The following XIRP2 variants were observed in gnomAD, a reference collection of about 807,000 sequenced individuals.
The protein encoded by XIRP2 is xin actin-binding repeat-containing protein 2.
In XIRP2, 236 loss-of-function variants were observed where a neutral mutation model predicts 277.0. The ratio of observed to expected loss-of-function variants is 0.85; its 90% CI spans 0.77 to 0.95. The LOEUF is 0.95. Among genes scored for constraint, XIRP2 ranks in the 40% least tolerant of loss-of-function variants. The probability of loss-of-function intolerance (pLI) is 0.00; values close to 1 mark genes in which losing one functional copy is unlikely to be tolerated. For missense variants in XIRP2, 4,640 were observed against 4,157.5 expected, an observed-to-expected ratio of 1.12 and a Z score of -3.19; for synonymous variants, 1,490 against 1,416.5, an observed-to-expected ratio of 1.05 and a Z score of -1.17.
intron 3 of XIRP2, among the ~76,000 whole-genome samples, chr2:167,183,721 A>G (rs1693081826): frequency 6.6e-6 from 1 of 151,958 alleles, no homozygotes; most frequent in Non-Finnish European, 1.5e-5. Context: ...TAATTTAAGT[A>G]TCTACAACAC....
chr2:167,186,711 T>A (rs1364566376), intron 3 of XIRP2, among the ~76,000 whole-genome samples: 1 of 152,128 alleles, frequency 6.6e-6, no homozygotes, highest in Non-Finnish European at 1.5e-5. Context: ...CTCTTCCTCA[T>A]GCTGAATGAT....
intron 3 of XIRP2, among the ~76,000 whole-genome samples, chr2:167,137,880 A>T (rs1266599546): frequency 6.6e-6 from 1 of 152,096 alleles, no homozygotes; most frequent in Non-Finnish European, 1.5e-5. Flanking sequence ...AAATTCTTTC[A>T]TTATGGGATC....
At chr2:167,241,662 A>T in intron 7 of XIRP2, 115 bp from the exon 8 acceptor site, 2 of 1,197,398 alleles carry the variant, frequency 1.7e-6, no homozygotes, top group Non-Finnish European at 2.3e-6. Flanking sequence ...TTCGCACCTC[A>T]GTCTCCCAAA....
At chr2:166,954,164 TTAA>T (rs374666369) in intron 2 of XIRP2, among the ~76,000 whole-genome samples, 1 of 152,046 alleles carries the variant, frequency 6.6e-6, no homozygotes, top group East Asian at 1.9e-4. Context: ...CAAAACAATC[TTAA>T]TAATCTATGG....
At chr2:167,096,746 C>CT (rs1379199595) in intron 2 of XIRP2, among the ~76,000 whole-genome samples, 2 of 152,068 alleles carry the variant, frequency 1.3e-5, no homozygotes, top group African/African-American at 4.8e-5. Flanking sequence ...TACATTGTGT[C>CT]TTTGTTATCA....
intron 1 of XIRP2, among the ~76,000 whole-genome samples, chr2:166,892,190 T>A (rs552275455): frequency 6.6e-6 from 1 of 152,336 alleles, no homozygotes; most frequent in East Asian, 1.9e-4. Context: ...ATGTTTTTTA[T>A]TCTCAAATTG....
rs768038617 is a variant in XIRP2, at chr2:167,136,037, A to G, written c.537A>G (p.Glu179=). The change falls in exon 3 of 11, where the codon GAA becomes GAG. Residue 179 remains glutamate, a synonymous_variant. Transcript: ENST00000409195. ...CATCTTTTGACAAGATGTCACCTGAAAGTGGTCACAGCCGCATCTTTGAAG... is the reference window on the plus strand; with the variant it reads ...CATCTTTTGACAAGATGTCACCTGAGAGTGGTCACAGCCGCATCTTTGAAG... ...KETSFDKMSP[E]SGHSRIFEAT... 6.2e-7 allele frequency: 1 copy of G among 1,608,482 alleles called. No homozygotes were observed.
chr2:167,254,199 C>A, intron 10 of XIRP2, 34 bp downstream of exon 10: 1 of 1,595,736 alleles, frequency 6.3e-7, no homozygotes, highest in South Asian at 1.1e-5. Context: ...CACAAATATT[C>A]CAGGAGCTGC....
At chr2:167,167,818 C>T (rs10196588) in intron 3 of XIRP2, among the ~76,000 whole-genome samples, 9,360 of 152,058 alleles carry the variant, frequency 0.062, 373 homozygotes, top group Middle Eastern at 0.17. Context: ...AGTCTTCATT[C>T]ATTCCTTCTT....
At chr2:167,035,909 T>C (rs1172759075) in intron 2 of XIRP2, among the ~76,000 whole-genome samples, 1 of 152,172 alleles carries the variant, frequency 6.6e-6, no homozygotes, top group Non-Finnish European at 1.5e-5. Context: ...GCTCCAGCCA[T>C]GGCTGAAAGG....
intron 2 of XIRP2, among the ~76,000 whole-genome samples, chr2:166,910,107 C>G (rs1269015811): frequency 2.2e-4 from 33 of 152,140 alleles, no homozygotes; most frequent in Admixed American, 2.2e-3. Flanking sequence ...ACTTTGGTAT[C>G]GCGATGATGC....
At position 167,259,451 on chromosome 2, in the gene XIRP2, T is replaced by C; in HGVS notation, c.*1634T>C. On this transcript the variant is annotated 3_prime_UTR_variant, in exon 11 of 11. Coordinates refer to ENST00000409195, the MANE Select transcript of XIRP2 (RefSeq NM_152381.6). ...GATTTTATGAATTTGGATACCCTTT[T>C]GAGGAACTTGATGTAAACATGGTGT... 1 of 1,311,180 alleles carries C rather than the reference T, an allele frequency of 7.6e-7. No individual in the cohort carries two copies. The highest frequency in any genetic ancestry group is 2.8e-5 in the Admixed American group (1 of 35,132). The allele number at this position is 1,311,180 out of a possible 1,614,324, so 81.2% of individuals were successfully genotyped here.
At chr2:166,904,777 TTTGA>T (rs906651523) in intron 2 of XIRP2, among the ~76,000 whole-genome samples, 1 of 152,096 alleles carries the variant, frequency 6.6e-6, no homozygotes, top group Non-Finnish European at 1.5e-5. Flanking sequence ...TTTTTGTTTG[TTTGA>T]TTGTTTTTTT....
intron 2 of XIRP2, among the ~76,000 whole-genome samples, chr2:167,081,994 G>T (rs1243656383): frequency 1.3e-4 from 20 of 149,642 alleles, no homozygotes; most frequent in Admixed American, 6.7e-5. Context: ...TGTGCACAGT[G>T]TGCAGGTTAG....
chr2:167,003,116 T>C (rs1169318961), intron 2 of XIRP2, among the ~76,000 whole-genome samples: 1 of 151,732 alleles, frequency 6.6e-6, no homozygotes, highest in Non-Finnish European at 1.5e-5. Context: ...AGTAGAGATA[T>C]AATGTGACAA....
intron 2 of XIRP2, among the ~76,000 whole-genome samples, chr2:166,918,355 T>TC (rs1284419341): frequency 6.6e-6 from 1 of 152,150 alleles, no homozygotes; most frequent in Non-Finnish European, 1.5e-5. Context: ...ACCAAAATTT[T>TC]CCCTATTTAT....
At chr2:167,004,585 A>T in intron 2 of XIRP2, among the ~76,000 whole-genome samples, 1 of 151,882 alleles carries the variant, frequency 6.6e-6, no homozygotes, top group East Asian at 1.9e-4. Context: ...AAGGCCTCTG[A>T]ACTGTGAGTT....
At chr2:167,197,058 A>G (rs1027544934) in intron 3 of XIRP2, among the ~76,000 whole-genome samples, 1 of 152,170 alleles carries the variant, frequency 6.6e-6, no homozygotes, top group African/African-American at 2.4e-5. Flanking sequence ...CCCAAAATTG[A>G]CTGGTTTCAC....
At chr2:167,169,924 A>G (rs1412757660) in intron 3 of XIRP2, among the ~76,000 whole-genome samples, 1 of 152,076 alleles carries the variant, frequency 6.6e-6, no homozygotes, top group Non-Finnish European at 1.5e-5. Context: ...TTGCCCTATT[A>G]TACTTGTAAG....
Sources: allele counts gnomAD v4.1 joint callset (sites outside exome capture counted in the v4.1 genomes callset), GRCh38; gene constraint gnomAD v4.1.1; transcripts MANE v1.5; gene names NCBI Gene and HGNC (gene_info 2026-07-23, HGNC 2026-07-21).